EI24: variants seen among roughly 807,000 people sequenced by gnomAD.
The protein encoded by EI24 is etoposide-induced protein 2.4 homolog.
In EI24, 21 loss-of-function variants were observed where a neutral mutation model predicts 48.6. The ratio of observed to expected loss-of-function variants is 0.43; its 90% CI spans 0.31 to 0.62. EI24 has a LOEUF of 0.62. EI24 is among the 20% of genes least tolerant of loss of function. The pLI is 0.10. For synonymous variants in EI24, 114 were observed against 145.5 expected (o/e 0.78, Z 1.56); for missense variants, 280 against 410.5 (o/e 0.68, Z 2.75).
intron 1 of EI24, chr11:125,569,804 G>C (rs1393362337): frequency 3.7e-6 from 1 of 267,330 alleles, no homozygotes; most frequent in African/African-American, 2.2e-5. Context: ...CGGAGCGTGC[G>C]TGATCCGCAC....
At chr11:125,572,041 T>C (rs1345447054) in intron 1 of EI24, among the ~76,000 whole-genome samples, 1 of 152,182 alleles carries the variant, frequency 6.6e-6, no homozygotes. Context: ...TTCAAGTATT[T>C]GAAGGTATCC....
chr11:125,579,075 CTG>C lies in EI24; in HGVS notation c.561+8_561+9del. The C allele has an allele frequency of 6.4e-7, 1 of 1,557,686 alleles. No homozygotes were observed. The highest frequency in any genetic ancestry group is 8.7e-7 in the Non-Finnish European group (1 of 1,149,930). ...GGCTCTTTTCCTCATTCAGGTGAGA[CTG>C]ACCTTCTGGGCATATGGGCAGCTTT... is the stretch of plus-strand genomic sequence containing the variant. On this transcript the variant is annotated splice_region_variant and intron_variant, in intron 7 of 10. Coordinates refer to ENST00000278903, the MANE Select transcript of EI24 (RefSeq NM_004879.5).
intron 1 of EI24, 30 bp downstream of exon 1, chr11:125,569,603 C>T (rs973287483): frequency 8.3e-6 from 3 of 362,088 alleles, no homozygotes; most frequent in Non-Finnish European, 4.9e-6. Context: ...AGCTAGGCCT[C>T]GGGGCCGCCG....
chr11:125,569,526 C>T lies in EI24; in HGVS notation c.-118C>T, dbSNP rs1252197844. The T allele has an allele frequency of 5.2e-6, 2 of 383,064 alleles. No homozygotes were observed. The highest frequency in any genetic ancestry group is 4.6e-6 in the Non-Finnish European group (1 of 216,246). 23.7% of individuals were successfully genotyped at this position (383,064 alleles called of 1,614,324 possible). ...CTGGAAGCGCCCCGGCGGAGCTGGC[C>T]TGCGGTGGGCTAGGGGCAGGGCCGG... On this transcript the variant is annotated 5_prime_UTR_variant, in exon 1 of 11. Coordinates refer to ENST00000278903, the MANE Select transcript of EI24 (RefSeq NM_004879.5).
intron 1 of EI24, chr11:125,569,806 G>C (rs1214970388): frequency 7.5e-6 from 2 of 266,020 alleles, no homozygotes; most frequent in South Asian, 1.7e-4. Flanking sequence ...GAGCGTGCGT[G>C]ATCCGCACCT....
intron 5 of EI24, 118 bp downstream of exon 5, chr11:125,577,688 T>C (rs1334643682): frequency 2.3e-6 from 2 of 880,720 alleles, no homozygotes; most frequent in South Asian, 1.9e-5. Context: ...TATTTTCTTT[T>C]TTGTTGTTTT....
intron 8 of EI24, among the ~76,000 whole-genome samples, chr11:125,580,466 G>A (rs1030656337): frequency 2.6e-5 from 4 of 152,170 alleles, no homozygotes; most frequent in African/African-American, 9.7e-5. Flanking sequence ...GCATAAATGA[G>A]CATGAGTTGC....
chr11:125,571,870 C>A (rs1938547400), intron 1 of EI24, among the ~76,000 whole-genome samples: 1 of 152,122 alleles, frequency 6.6e-6, no homozygotes, highest in African/African-American at 2.4e-5. Context: ...GAGCGAGACT[C>A]TGTCTCAAAA....
chr11:125,572,568 G>T lies in EI24; in HGVS notation c.41G>T (p.Arg14Ile), dbSNP rs1256404202. Reference sequence around the variant, plus strand: ...AAAACCTTTCTCCAGGACCTTGCCAGAGTGAGTACATCTTGTTTATAGGAA... The same window carrying T: ...AAAACCTTTCTCCAGGACCTTGCCATAGTGAGTACATCTTGTTTATAGGAA... Reference protein sequence around the residue: ...SVKTFLQDLARGIKDSIWGIC... With the variant: ...SVKTFLQDLAIGIKDSIWGIC... Residue 14 changes from arginine to isoleucine, a missense_variant and splice_region_variant, in exon 2 of 11, where the codon AGA becomes ATA. By Grantham distance (97) the Arg-to-Ile change is moderately conservative. This residue lies in a region of EI24 where 204 missense variants were observed against 294.1 expected (regional missense o/e 0.69). Coordinates refer to ENST00000278903, the MANE Select transcript of EI24 (RefSeq NM_004879.5). The T allele has an allele frequency of 6.2e-7, 1 of 1,613,354 alleles. No individual in the cohort carries two copies. Among genetic ancestry groups the T allele is most frequent in the African/African-American group, 1.3e-5 (1 of 74,988 alleles).
chr11:125,577,912 T>A (rs1195670282), intron 5 of EI24: 1 of 605,796 alleles, frequency 1.7e-6, no homozygotes, highest in East Asian at 2.8e-5. Flanking sequence ...AGCAGGTTTG[T>A]GTCAAGCAGC....
At chr11:125,582,549 G>C (rs903923125) in intron 10 of EI24, 129 bp downstream of exon 10, 2 of 686,430 alleles carry the variant, frequency 2.9e-6, no homozygotes, top group Non-Finnish European at 4.6e-6. Flanking sequence ...GGTTTAATGA[G>C]AGAGAAACAC....
At chr11:125,583,277 C>G (rs1278205200) in intron 10 of EI24, among the ~76,000 whole-genome samples, 1 of 151,992 alleles carries the variant, frequency 6.6e-6, no homozygotes, top group South Asian at 2.1e-4. Flanking sequence ...ATTTTTTTCT[C>G]AAGTGATCCA....
chr11:125,571,771 G>A (rs1018001767), intron 1 of EI24, among the ~76,000 whole-genome samples: 1 of 152,066 alleles, frequency 6.6e-6, no homozygotes, highest in Non-Finnish European at 1.5e-5. Flanking sequence ...TCAGCTACTC[G>A]GGAGGCTGAG....
chr11:125,572,691 A>G (rs534177868), intron 2 of EI24, 122 bp downstream of exon 2: 2 of 912,752 alleles, frequency 2.2e-6, no homozygotes, highest in Non-Finnish European at 3.4e-6. Flanking sequence ...TTCTTTACAT[A>G]AAGGTTGTTA....
chr11:125,575,771 C>T, intron 3 of EI24: 1 of 260,300 alleles, frequency 3.8e-6, no homozygotes, highest in Non-Finnish European at 7.7e-6. Flanking sequence ...AAGCTGGTTC[C>T]ATATATATAC....
Position 125,584,325 on chromosome 11 carries a change from A to T in EI24, c.*642A>T, listed in dbSNP as rs551432192. The T allele has an allele frequency of 7.1e-6, 1 of 141,626 alleles. No homozygotes were observed. Among genetic ancestry groups the T allele is most frequent in the African/African-American group, 2.6e-5 (1 of 38,164 alleles). 8.8% of individuals were successfully genotyped at this position (141,626 alleles called of 1,614,324 possible). The stretch of plus-strand genomic sequence containing the variant: ...CAGATCTGCTGGGTTTTGAGGAGTG[A>T]TTTTCTTTCTTCCCCTTGAAGGGGA... On this transcript the variant is annotated 3_prime_UTR_variant, in exon 11 of 11. Transcript: ENST00000278903.
At chr11:125,575,140 T>G in intron 2 of EI24, 123 bp from the exon 3 acceptor site, 3 of 816,754 alleles carry the variant, frequency 3.7e-6, no homozygotes, top group South Asian at 3.8e-5. Context: ...GGCAGGAGGA[T>G]CATTTGAACC....
At chr11:125,570,991 G>C (rs910413770) in intron 1 of EI24, among the ~76,000 whole-genome samples, 2 of 152,200 alleles carry the variant, frequency 1.3e-5, no homozygotes, top group African/African-American at 4.8e-5. Context: ...TCTTACCCTA[G>C]AGACTTCTAT....
Position 125,584,042 on chromosome 11 carries a change from A to G in EI24, c.*359A>G. On this transcript the variant is annotated 3_prime_UTR_variant, in exon 11 of 11. Transcript: ENST00000278903. ...TCCTGCCTTCTACCACCCTTGGATG[A>G]ATGGATTTTGTAATTCTAGCTGTTG... 1 of 225,706 alleles carries G rather than the reference A, an allele frequency of 4.4e-6. No individual in the cohort carries two copies. Among genetic ancestry groups the G allele is most frequent in the South Asian group, 5.9e-5 (1 of 16,870 alleles). The allele number at this position is 225,706 out of a possible 1,614,324, so 14.0% of individuals were successfully genotyped here. A position where few individuals can be genotyped will look rare whatever the true frequency, so the allele number is the denominator to read the frequency against.
Sources: gnomAD v4.1 joint callset for allele counts (sites outside exome capture counted in the v4.1 genomes callset) on GRCh38, gnomAD v4.1.1 for gene constraint, gnomAD v4.1.1 regional missense constraint, MANE v1.5 for transcripts, NCBI Gene and HGNC (gene_info 2026-07-23, HGNC 2026-07-21) for gene names.